MGAT4C: variants seen among roughly 807,000 people sequenced by gnomAD.
The protein encoded by MGAT4C is alpha-1,3-mannosyl-glycoprotein 4-beta-N-acetylglucosaminyltransferase C.
Under a neutral mutation model 40.1 loss-of-function variants are expected in MGAT4C, and 19 were observed. That is an observed-to-expected ratio of 0.47 (90% CI 0.33 to 0.70). The LOEUF (loss-of-function observed/expected upper bound fraction) is 0.70, where lower values mean the gene tolerates loss of function less well. MGAT4C is among the 30% of genes least tolerant of loss of function. The pLI, the probability that MGAT4C is intolerant of heterozygous loss-of-function variation, is 0.02. For synonymous variants in MGAT4C, 181 were observed against 187.1 expected (o/e 0.97, Z 0.27); for missense variants, 491 against 563.2 (o/e 0.87, Z 1.30).
chr12:86,414,563 C>T (rs1040931981), intron 3 of MGAT4C, among the ~76,000 whole-genome samples: 1 of 148,098 alleles, frequency 6.8e-6, no homozygotes, highest in African/African-American at 2.5e-5. Flanking sequence ...ACATGATTTC[C>T]TACCTGTAGG....
intron 1 of MGAT4C, among the ~76,000 whole-genome samples, chr12:86,823,523 G>C (rs989990699): frequency 1.3e-5 from 2 of 151,082 alleles, no homozygotes; most frequent in Non-Finnish European, 3.0e-5. Context: ...ACCATCTCTA[G>C]GAACACATAA....
chr12:86,429,434 G>C (rs1956991549), intron 3 of MGAT4C, among the ~76,000 whole-genome samples: 1 of 152,166 alleles, frequency 6.6e-6, no homozygotes, highest in Non-Finnish European at 1.5e-5. Flanking sequence ...TGTATACACT[G>C]TTGCGGTTGG....
intron 3 of MGAT4C, among the ~76,000 whole-genome samples, chr12:86,353,342 C>A (rs1321765812): frequency 1.3e-5 from 2 of 152,118 alleles, no homozygotes; most frequent in East Asian, 3.9e-4. Context: ...TCTAGAGACT[C>A]TGAAAAATAA....
intron 2 of MGAT4C, among the ~76,000 whole-genome samples, chr12:86,513,750 A>C (rs542396866): frequency 3.3e-5 from 5 of 152,248 alleles, no homozygotes; most frequent in Admixed American, 6.5e-5. Flanking sequence ...AGAACTCTGG[A>C]AATGAGCCAA....
At chr12:86,692,236 C>A (rs2136599615) in intron 2 of MGAT4C, among the ~76,000 whole-genome samples, 1 of 152,216 alleles carries the variant, frequency 6.6e-6, no homozygotes, top group South Asian at 2.1e-4. Context: ...ATTTGAAAAT[C>A]TTTAAATGTG....
intron 2 of MGAT4C, among the ~76,000 whole-genome samples, chr12:86,447,419 C>A (rs1957358374): frequency 6.6e-6 from 1 of 152,124 alleles, no homozygotes; most frequent in East Asian, 1.9e-4. Flanking sequence ...TGTAACTGAG[C>A]ACTTTGGCCT....
intron 4 of MGAT4C, among the ~76,000 whole-genome samples, chr12:86,271,313 G>A (rs993705061): frequency 6.6e-6 from 1 of 152,072 alleles, no homozygotes; most frequent in South Asian, 2.1e-4. Context: ...CAACTGAACA[G>A]GAAAAGACCA....
intron 1 of MGAT4C, among the ~76,000 whole-genome samples, chr12:86,068,826 T>G (rs1894808644): frequency 6.6e-6 from 1 of 152,132 alleles, no homozygotes. Flanking sequence ...CAGTACAGTC[T>G]ATGAAAGCCC....
chr12:86,500,180 C>T (rs952384151), intron 2 of MGAT4C, among the ~76,000 whole-genome samples: 5 of 151,652 alleles, frequency 3.3e-5, no homozygotes, highest in African/African-American at 1.2e-4. Context: ...TATCTATATT[C>T]ATATATATGT....
chr12:86,382,541 C>T (rs111304293), intron 3 of MGAT4C, among the ~76,000 whole-genome samples: 2,069 of 152,200 alleles, frequency 0.014, 39 homozygotes, highest in African/African-American at 0.048. Flanking sequence ...GCATAAGTAA[C>T]GAGGATGTTA....
At chr12:86,740,949 A>T (rs564642746) in intron 1 of MGAT4C, among the ~76,000 whole-genome samples, 3 of 151,018 alleles carry the variant, frequency 2.0e-5, no homozygotes, top group African/African-American at 4.8e-5. Context: ...TCCGTCACCC[A>T]GGTAGTGAGC....
chr12:86,217,009 T>G (rs78953980), intron 1 of MGAT4C, among the ~76,000 whole-genome samples: 2,674 of 152,250 alleles, frequency 0.018, 75 homozygotes, highest in African/African-American at 0.061. Flanking sequence ...AAAATTCCTA[T>G]GTGAAAGATT....
intron 4 of MGAT4C, among the ~76,000 whole-genome samples, chr12:86,331,630 T>C (rs751551510): frequency 6.6e-6 from 1 of 152,158 alleles, no homozygotes; most frequent in East Asian, 1.9e-4. Context: ...ATAATTCTTT[T>C]AGAGAGACAG....
At chr12:86,147,069 A>G (rs1164433970) in intron 1 of MGAT4C, among the ~76,000 whole-genome samples, 2 of 152,088 alleles carry the variant, frequency 1.3e-5, no homozygotes, top group East Asian at 3.9e-4. Context: ...GAACACCTAC[A>G]TTATGAAATG....
chr12:86,692,579 T>C (rs1364008443), intron 2 of MGAT4C, among the ~76,000 whole-genome samples: 2 of 152,268 alleles, frequency 1.3e-5, no homozygotes, highest in Non-Finnish European at 2.9e-5. Context: ...TTAATACTTA[T>C]GGAGATGAAA....
At chr12:86,682,686 TA>T (rs1178759823) in intron 2 of MGAT4C, among the ~76,000 whole-genome samples, 2 of 152,168 alleles carry the variant, frequency 1.3e-5, no homozygotes, top group South Asian at 4.1e-4. Flanking sequence ...CTGAGCTTGC[TA>T]TTAAATGAAC....
chr12:86,416,084 T>A (rs1482928261), intron 3 of MGAT4C, among the ~76,000 whole-genome samples: 1 of 152,036 alleles, frequency 6.6e-6, no homozygotes, highest in Non-Finnish European at 1.5e-5. Flanking sequence ...CACATTTGTA[T>A]ATAATAGACC....
rs544011559 is a variant in MGAT4C, at chr12:86,609,306, G to T, written c.-229+117903C>A. Among the ~76,000 whole-genome samples the T allele has an allele frequency of 5.3e-5, 8 of 152,184 alleles. No homozygotes were observed. In the East Asian group the frequency reaches 1.4e-3, roughly 26 times the overall value. ...TTAAACGTGAAGACCATGACAGGGG[G>T]AAAGGAGTTGTCAATGAAGTTGACT... On this transcript the variant is annotated intron_variant, in intron 2 of 7. Transcript: ENST00000548651.
At chr12:86,013,677 C>T (rs1888750093) in intron 2 of MGAT4C, 13 of 951,132 alleles carry the variant, frequency 1.4e-5, no homozygotes, top group Non-Finnish European at 1.6e-5. Context: ...AATACTGGTC[C>T]TACCTGAATT....
Sources: gnomAD v4.1 joint callset for allele counts (sites outside exome capture counted in the v4.1 genomes callset) on GRCh38, gnomAD v4.1.1 for gene constraint, MANE v1.5 for transcripts, NCBI Gene and HGNC (gene_info 2026-07-23, HGNC 2026-07-21) for gene names.